Variants in INPP1 observed in about 807,000 individuals in gnomAD.
INPP1 encodes inositol polyphosphate 1-phosphatase.
Under a neutral mutation model 23.0 loss-of-function variants are expected in INPP1, and 18 were observed. The ratio of observed to expected loss-of-function variants is 0.78; its 90% CI spans 0.54 to 1.16. The LOEUF (loss-of-function observed/expected upper bound fraction) is 1.16, where lower values mean the gene tolerates loss of function less well. INPP1 is among the 50% of genes most tolerant of loss of function. INPP1 has a pLI of 0.00. For synonymous variants in INPP1, 164 were observed against 176.3 expected, an observed-to-expected ratio of 0.93 and a Z score of 0.55; for missense variants, 448 against 482.1, an observed-to-expected ratio of 0.93 and a Z score of 0.66.
In INPP1 at chr2:190,371,505, A is replaced by G; in HGVS notation, c.*103A>G. ...TTTGTCCTGTTGCTGGTTAACATTC[A>G]CCTTCCTCTTTTGAGGAGTATTTTT... On this transcript the variant is annotated 3_prime_UTR_variant, in exon 7 of 7. Coordinates refer to ENST00000392329, the MANE Select transcript of INPP1 (RefSeq NM_001128928.2). The surrounding 1 kb of genome is among the most constrained non-coding windows in gnomAD (Gnocchi z 5.3). 1 of 785,086 alleles carries G rather than the reference A, an allele frequency of 1.3e-6. No individual in the cohort carries two copies. Among genetic ancestry groups the G allele is most frequent in the Non-Finnish European group, 1.9e-6 (1 of 523,512 alleles). 48.6% of individuals were successfully genotyped at this position (785,086 alleles called of 1,614,324 possible).
In INPP1 at chr2:190,348,455, C is replaced by T. The variant is rs370877776; in HGVS notation, c.-208-433C>T. 7.9e-5 allele frequency among the ~76,000 whole-genome samples: 12 copies of T among 152,154 alleles called. No homozygotes were observed. The East Asian group carries it at 2.1e-3, about 27-fold the overall frequency. On this transcript the variant is annotated intron_variant, in intron 1 of 6. Transcript: ENST00000392329. ...AATTACAGCTCAGTGGCATTAAGTA[C>T]ATTCACTTTGTTATGCAACCATCAG...
Position 190,366,778 on chromosome 2 carries a change from G to T in INPP1, c.349G>T (p.Ala117Ser), listed in dbSNP as rs1256818171. The T allele has an allele frequency of 6.2e-7, 1 of 1,612,696 alleles. No individual in the cohort carries two copies. The highest frequency in any genetic ancestry group is 1.7e-5 in the Admixed American group (1 of 60,026). The part of the protein sequence containing the change: ...LSKVLNGNKV[A>S]SEALARVVHQ... ...CAAAGTCCTCAATGGTAACAAGGTG[G>T]CATCTGAAGCATTAGCCAGGGTTGT... Residue 117 changes from alanine (A) to serine (S), a missense_variant, in exon 5 of 7, where the codon GCA becomes TCA. Physicochemically the swap from Ala to Ser is moderately conservative, Grantham distance 99. Coordinates refer to ENST00000392329, the MANE Select transcript of INPP1 (RefSeq NM_001128928.2).
Position 190,366,887 on chromosome 2 carries a change from A to AC in INPP1, c.462dup (p.Ile155HisfsTer13), listed in dbSNP as rs1689689958. On this transcript the variant is annotated frameshift_variant, in exon 5 of 7. Coordinates refer to ENST00000392329, the MANE Select transcript of INPP1 (RefSeq NM_001128928.2). LOFTEE classifies it high-confidence loss of function. ...CAGGACATTTTGGGAATTTGGGTGG[A>AC]CCCCATAGGTAAGTATAGGAAAGTA... 6.2e-7 allele frequency: 1 copy of AC among 1,605,232 alleles called. No individual in the cohort carries two copies. The highest frequency in any genetic ancestry group is 1.3e-5 in the African/African-American group (1 of 74,710).
chr2:190,362,750 G>A (rs1689560370), intron 4 of INPP1, 63 bp downstream of exon 4: 1 of 1,092,022 alleles, frequency 9.2e-7, no homozygotes, highest in Non-Finnish European at 1.4e-6. Flanking sequence ...CTAGTCTCTA[G>A]TTTATACCAT....
intron 4 of INPP1, among the ~76,000 whole-genome samples, chr2:190,365,812 GCT>G (rs1051931122): frequency 6.7e-6 from 1 of 149,320 alleles, no homozygotes; most frequent in Non-Finnish European, 1.5e-5. Flanking sequence ...TTGCTCTCTC[GCT>G]CTCTCTGTCT....
rs1035942189 is a variant in INPP1 at position 190,361,411 on chromosome 2, G to C, written c.204+1105G>C. Among the ~76,000 whole-genome samples, 6 of 152,320 alleles carry C rather than the reference G, an allele frequency of 3.9e-5. No homozygotes were observed. The South Asian group carries it at 8.3e-4, about 21-fold the overall frequency. On this transcript the variant is annotated intron_variant, in intron 3 of 6. Transcript: ENST00000392329. ...GTGAAATCTTGACCACAGGCGAAGAGATGAAATGCCATCATGAAATCTCTA... is the reference window on the plus strand; with the variant it reads ...GTGAAATCTTGACCACAGGCGAAGACATGAAATGCCATCATGAAATCTCTA...
Position 190,369,285 on chromosome 2 carries a change from G to A in INPP1, c.641+8G>A. On this transcript the variant is annotated splice_region_variant and intron_variant, in intron 6 of 6. Transcript: ENST00000392329. ...AGATCCAAACACCCTCAGGTAAAAG[G>A]CAAATATTTTTGGTATATTATGGTT... The A allele has an allele frequency of 6.5e-7, 1 of 1,546,488 alleles. No individual in the cohort carries two copies. Among genetic ancestry groups the A allele is most frequent in the East Asian group, 2.3e-5 (1 of 43,606 alleles).
intron 4 of INPP1, among the ~76,000 whole-genome samples, chr2:190,364,795 G>A (rs1056331830): frequency 6.6e-6 from 1 of 151,544 alleles, no homozygotes; most frequent in Non-Finnish European, 1.5e-5. Flanking sequence ...TAGAGACAGG[G>A]GTTTCACTAT....
chr2:190,348,402 A>G (rs1689264556), intron 1 of INPP1, among the ~76,000 whole-genome samples: 1 of 152,180 alleles, frequency 6.6e-6, no homozygotes, highest in African/African-American at 2.4e-5. Context: ...GATATCTAAT[A>G]TCAAATTTAC....
rs770136066 is a variant in INPP1 at position 190,371,239 on chromosome 2, T to C, written c.1037T>C (p.Leu346Pro). 1.9e-6 allele frequency: 3 copies of C among 1,613,224 alleles called. No individual in the cohort carries two copies. In the African/African-American group the frequency reaches 4.0e-5, roughly 22 times the overall value. The change falls in exon 7 of 7, where the codon CTT becomes CCT. Residue 346 changes from leucine (L) to proline (P), a missense_variant. Physicochemically the swap from Leu to Pro is moderately conservative, Grantham distance 98 (BLOSUM62 -3). Coordinates refer to ENST00000392329, the MANE Select transcript of INPP1 (RefSeq NM_001128928.2). The surrounding 1 kb of genome is among the most constrained non-coding windows in gnomAD (Gnocchi z 5.3). ...ECLERNPETGLDLPQLVYHVE... is the reference protein window; with the variant it reads ...ECLERNPETGPDLPQLVYHVE... The stretch of plus-strand genomic sequence containing the variant: ...TTAGAAAGAAATCCAGAAACAGGGC[T>C]TGATTTGCCACAGTTGGTGTACCAC...
intron 2 of INPP1, among the ~76,000 whole-genome samples, chr2:190,351,721 T>C (rs1689327457): frequency 6.6e-6 from 1 of 152,228 alleles, no homozygotes; most frequent in Non-Finnish European, 1.5e-5. Context: ...CTATTGATGC[T>C]TGTTTGGGTT....
intron 3 of INPP1, among the ~76,000 whole-genome samples, chr2:190,361,112 C>A (rs936652734): frequency 2.0e-5 from 3 of 146,886 alleles, no homozygotes; most frequent in African/African-American, 7.9e-5. Flanking sequence ...TGATGAAGAA[C>A]TACTATTACA....
chr2:190,366,204 GCTCTCTCGCTCTGTCT>G (rs564254434), intron 4 of INPP1, among the ~76,000 whole-genome samples: 214 of 78,360 alleles, frequency 2.7e-3, no homozygotes, highest in African/African-American at 0.011. Flanking sequence ...GCTCTGTCTC[GCTCTCTCGCTCTGTCT>G]CTCTCTTGCT....
rs751821440 is a variant in INPP1, at chr2:190,369,184, C to A, written c.548C>A (p.Thr183Asn). The stretch of plus-strand genomic sequence containing the variant: ...TTCCCCTGTGGACTTCAGTGTGTCA[C>A]CATTTTAATTGGTGTCTATGACATA... ...GIFPCGLQCV[T>N]ILIGVYDIQT... The change falls in exon 6 of 7, where the codon ACC (threonine) becomes AAC (asparagine). Residue 183 changes from threonine to asparagine, a missense_variant. Coordinates refer to ENST00000392329, the MANE Select transcript of INPP1 (RefSeq NM_001128928.2). 2 of 1,609,074 alleles carry A rather than the reference C, an allele frequency of 1.2e-6. No individual in the cohort carries two copies. The highest frequency in any genetic ancestry group is 2.7e-5 in the African/African-American group (2 of 74,852).
chr2:190,359,978 A>G, intron 2 of INPP1, 61 bp from the exon 3 acceptor site: 1 of 918,108 alleles, frequency 1.1e-6, no homozygotes, highest in South Asian at 1.6e-5. Flanking sequence ...TAGTAGTGCC[A>G]GAGGCACCCT....
chr2:190,369,149 C>A lies in INPP1; in HGVS notation c.513C>A (p.Asn171Lys). Residue 171 changes from asparagine (N) to lysine (K), a missense_variant, in exon 6 of 7, where the codon AAC (asparagine) becomes AAA (lysine). By Grantham distance (94) the Asn-to-Lys change is moderately conservative. Transcript: ENST00000392329. Reference sequence around the variant, plus strand: ...AAGGTTCTGCTGACATTAAATCCAACCAGGGAATCTTCCCCTGTGGACTTC... The same window carrying A: ...AAGGTTCTGCTGACATTAAATCCAAACAGGGAATCTTCCCCTGTGGACTTC... The part of the protein sequence containing the change: ...YIKGSADIKS[N>K]QGIFPCGLQC... The A allele has an allele frequency of 1.2e-6, 2 of 1,606,446 alleles. No individual in the cohort carries two copies. The highest frequency in any genetic ancestry group is 1.7e-6 in the Non-Finnish European group (2 of 1,174,318).
At chr2:190,360,419 T>C (rs1689513781) in intron 3 of INPP1, 113 bp downstream of exon 3, 2 of 773,102 alleles carry the variant, frequency 2.6e-6, no homozygotes, top group African/African-American at 3.5e-5. Context: ...AGCACCTTGA[T>C]TTCAAGTAAA....
At chr2:190,351,231 A>T (rs1057271457) in intron 2 of INPP1, among the ~76,000 whole-genome samples, 1 of 152,252 alleles carries the variant, frequency 6.6e-6, no homozygotes, top group African/African-American at 2.4e-5. Context: ...CCATTCCCCC[A>T]TGGCCCAGGT....
rs945957586 is a variant in INPP1 at position 190,352,498 on chromosome 2, C to T, written c.-65+3467C>T. On this transcript the variant is annotated intron_variant, in intron 2 of 6. Coordinates refer to ENST00000392329, the MANE Select transcript of INPP1 (RefSeq NM_001128928.2). The surrounding 1 kb of genome is among the most constrained non-coding windows in gnomAD (Gnocchi z 4.7). ...GCAGTATTGCAAATCTCTAGTAAGG[C>T]TTGTAGTACAGTTTCCCTCTGGCCT... Among the ~76,000 whole-genome samples the T allele has an allele frequency of 2.6e-5, 4 of 152,216 alleles. No individual in the cohort carries two copies. The highest frequency in any genetic ancestry group is 9.6e-5 in the African/African-American group (4 of 41,452).
Sources: gnomAD v4.1 joint callset for allele counts (sites outside exome capture counted in the v4.1 genomes callset) on GRCh38, gnomAD v4.1.1 for gene constraint, Gnocchi (gnomAD v3.1) non-coding constraint, MANE v1.5 for transcripts, NCBI Gene and HGNC (gene_info 2026-07-23, HGNC 2026-07-21) for gene names.